The following NKX1-2 variants were observed in gnomAD, a reference collection of about 807,000 sequenced individuals.
NKX1-2 encodes NK1 homeobox 2.
NKX1-2 carries 1 observed loss-of-function variant against 4.4 expected under a neutral mutation model. The observed-to-expected ratio is 0.23, with a 90% confidence interval of 0.08 to 1.08. NKX1-2 has a LOEUF of 1.08. Among genes scored for constraint, NKX1-2 ranks in the 50% least tolerant of loss-of-function variants. The pLI is 0.55. For synonymous variants in NKX1-2, 235 were observed against 228.0 expected (o/e 1.03, Z -0.28); for missense variants, 503 against 464.6 (o/e 1.08, Z -0.76).
Position 124,449,971 on chromosome 10 carries a change from C to T in NKX1-2, c.-28G>A, listed in dbSNP as rs756232422. Reference sequence around the variant, plus strand: ...CCGTCGCCCACGGGCCGGCGGTCGGCGGCGCGGGGTTGGGGATGGCGCCGC... The same window carrying T: ...CCGTCGCCCACGGGCCGGCGGTCGGTGGCGCGGGGTTGGGGATGGCGCCGC... On this transcript the variant is annotated 5_prime_UTR_variant, in exon 1 of 2. Transcript: ENST00000451024. This position sits in a 1 kb window ranked among gnomAD's most constrained non-coding sequence, Gnocchi z 7.5. The T allele has an allele frequency of 1.0e-5, 15 of 1,497,800 alleles. 1 individual carries two copies. The South Asian group carries it at 1.8e-4, about 18-fold the overall frequency. The allele number at this position is 1,497,800 out of a possible 1,614,324, so 92.8% of individuals were successfully genotyped here.
chr10:124,448,286 G>A lies in NKX1-2; in HGVS notation c.215-139C>T. 3.2e-6 allele frequency: 4 copies of A among 1,264,510 alleles called. No individual in the cohort carries two copies. The highest frequency in any genetic ancestry group is 4.0e-6 in the Non-Finnish European group (4 of 1,000,918). The allele number at this position is 1,264,510 out of a possible 1,614,324, so 78.3% of individuals were successfully genotyped here. A position where few individuals can be genotyped will look rare whatever the true frequency, so the allele number is the denominator to read the frequency against. On this transcript the variant is annotated intron_variant, in intron 1 of 1. Coordinates refer to ENST00000451024, the MANE Select transcript of NKX1-2 (RefSeq NM_001146340.3). This position sits in a 1 kb window ranked among gnomAD's most constrained non-coding sequence, Gnocchi z 4.1. ...CCCCACATCGCGCTCCCCTTAGGCC[G>A]GACTACACATCCTCGCCAGCGGGTT...
rs1480941835 is a variant in NKX1-2, at chr10:124,449,073, C to T, written c.214+657G>A. On this transcript the variant is annotated intron_variant, in intron 1 of 1. Transcript: ENST00000451024. This position sits in a 1 kb window ranked among gnomAD's most constrained non-coding sequence, Gnocchi z 7.5. The stretch of plus-strand genomic sequence containing the variant: ...TTCCAGCCACAAACTTTCCTAACCC[C>T]TTCATCAGGTGTCCGCCAGCGTTGG... Among the ~76,000 whole-genome samples the T allele has an allele frequency of 6.6e-6, 1 of 152,228 alleles. No individual in the cohort carries two copies. Among genetic ancestry groups the T allele is most frequent in the African/African-American group, 2.4e-5 (1 of 41,464 alleles).
In NKX1-2 at chr10:124,449,880, CAGAG is replaced by C. The variant is rs1451678693; in HGVS notation, c.60_63del (p.Phe20LeufsTer94). The stretch of plus-strand genomic sequence containing the variant: ...TTCTGTGGGTCCAGGATGTCCAGGA[CAGAG>C]AAAGAAATCTTGTGGTGGGAGGGAG... On this transcript the variant is annotated frameshift_variant, in exon 1 of 2. Transcript: ENST00000451024. LOFTEE classifies it high-confidence loss of function. The surrounding 1 kb of genome is among the most constrained non-coding windows in gnomAD (Gnocchi z 7.5). 1 of 1,551,310 alleles carries C rather than the reference CAGAG, an allele frequency of 6.4e-7. No homozygotes were observed. The highest frequency in any genetic ancestry group is 2.0e-5 in the Admixed American group (1 of 51,010).
rs1331300948 is a variant in NKX1-2, at chr10:124,447,954, G to T, written c.408C>A (p.Gly136=). 3 of 1,404,238 alleles carry T rather than the reference G, an allele frequency of 2.1e-6. No homozygotes were observed. Among genetic ancestry groups the T allele is most frequent in the Non-Finnish European group, 2.8e-6 (3 of 1,085,490 alleles). The allele number at this position is 1,404,238 out of a possible 1,614,324, so 87.0% of individuals were successfully genotyped here. A position where few individuals can be genotyped will look rare whatever the true frequency, so the allele number is the denominator to read the frequency against. ...ASGEPCEDGG[G]GPVRSPPGSP... ...ATCCCGGGGGGGACCTCACAGGGCC[G>T]CCCCCGCCGTCCTCGCAGGGCTCCC... Residue 136 remains glycine (G), a synonymous_variant, in exon 2 of 2, where the codon GGC becomes GGA. Transcript: ENST00000451024.
Position 124,448,001 on chromosome 10 carries a change from G to T in NKX1-2, c.361C>A (p.Pro121Thr). The change falls in exon 2 of 2, where the codon CCG becomes ACG. Residue 121 changes from proline (P) to threonine (T), a missense_variant. By Grantham distance (38) the Pro-to-Thr change is conservative (BLOSUM62 -1). Coordinates refer to ENST00000451024, the MANE Select transcript of NKX1-2 (RefSeq NM_001146340.3). The surrounding 1 kb of genome is among the most constrained non-coding windows in gnomAD (Gnocchi z 4.1). ...TCCCCAGACGCCAATGCCCCGGCCG[G>T]GGCGTCAGGTGAGCGCGCTAGGCCC... ...LPGLARSPDAPAGALASGEPC... is the reference protein window; with the variant it reads ...LPGLARSPDATAGALASGEPC... The T allele has an allele frequency of 6.7e-7, 1 of 1,490,564 alleles. No homozygotes were observed. The highest frequency in any genetic ancestry group is 8.9e-7 in the Non-Finnish European group (1 of 1,126,742). The allele number at this position is 1,490,564 out of a possible 1,614,324, so 92.3% of individuals were successfully genotyped here. A position where few individuals can be genotyped will look rare whatever the true frequency, so the allele number is the denominator to read the frequency against.
rs1413156171 is a variant in NKX1-2, at chr10:124,449,717, C to T, written c.214+13G>A. The T allele has an allele frequency of 6.5e-7, 1 of 1,544,816 alleles. No individual in the cohort carries two copies. Among genetic ancestry groups the T allele is most frequent in the Non-Finnish European group, 8.8e-7 (1 of 1,141,436 alleles). ...CTGAGGCCTCCTGGGGCCGGGGCCG[C>T]CTTGCATCTTACCAGGGGTCTCCAG... is the stretch of plus-strand genomic sequence containing the variant. On this transcript the variant is annotated intron_variant, in intron 1 of 1. Transcript: ENST00000451024. The surrounding 1 kb of genome is among the most constrained non-coding windows in gnomAD (Gnocchi z 7.5).
chr10:124,447,403 G>A lies in NKX1-2; in HGVS notation c.*26C>T, dbSNP rs1188550505. The A allele has an allele frequency of 2.4e-6, 3 of 1,240,182 alleles. No homozygotes were observed. The highest frequency in any genetic ancestry group is 4.2e-5 in the Admixed American group (1 of 23,626). The allele number at this position is 1,240,182 out of a possible 1,614,324, so 76.8% of individuals were successfully genotyped here. A position where few individuals can be genotyped will look rare whatever the true frequency, so the allele number is the denominator to read the frequency against. ...GATGCCAATCCCTCGTGAATCCCGC[G>A]AAAGAGGGGCCAGGGGGCTCCGGAT... On this transcript the variant is annotated 3_prime_UTR_variant, in exon 2 of 2. Coordinates refer to ENST00000451024, the MANE Select transcript of NKX1-2 (RefSeq NM_001146340.3).
At position 124,448,063 on chromosome 10, in the gene NKX1-2, C is replaced by T; in HGVS notation, c.299G>A (p.Arg100Lys). The change falls in exon 2 of 2, where the codon AGG becomes AAG. Residue 100 changes from arginine (R) to lysine (K), a missense_variant. Arg to Lys is a conservative substitution (Grantham distance 26). Coordinates refer to ENST00000451024, the MANE Select transcript of NKX1-2 (RefSeq NM_001146340.3). The surrounding 1 kb of genome is among the most constrained non-coding windows in gnomAD (Gnocchi z 4.1). ...EEEEDAEDPR[R>K]PRLRERAARL... ...CGCAGCCCGCTCCCGCAGCCGCGGCCTCCTCGGATCCTCCGCATCCTCCTC... is the reference window on the plus strand; with the variant it reads ...CGCAGCCCGCTCCCGCAGCCGCGGCTTCCTCGGATCCTCCGCATCCTCCTC... The T allele has an allele frequency of 6.6e-7, 1 of 1,521,592 alleles. No individual in the cohort carries two copies. The highest frequency in any genetic ancestry group is 8.8e-7 in the Non-Finnish European group (1 of 1,139,840). 94.3% of individuals were successfully genotyped at this position (1,521,592 alleles called of 1,614,324 possible). A position where few individuals can be genotyped will look rare whatever the true frequency, so the allele number is the denominator to read the frequency against.
chr10:124,447,606 A>G lies in NKX1-2; in HGVS notation c.756T>C (p.Ser252=). 1 of 1,280,368 alleles carries G rather than the reference A, an allele frequency of 7.8e-7. No individual in the cohort carries two copies. Among genetic ancestry groups the G allele is most frequent in the East Asian group, 3.1e-5 (1 of 32,490 alleles). The allele number at this position is 1,280,368 out of a possible 1,614,324, so 79.3% of individuals were successfully genotyped here. A position where few individuals can be genotyped will look rare whatever the true frequency, so the allele number is the denominator to read the frequency against. The part of the protein sequence containing the change: ...GGGGGGGSGG[S]PGPPGTGALH... ...GAGCGCCGGTGCCGGGAGGGCCAGG[A>G]CTGCCCCCCGAGCCGCCGCCGCCGC... The change falls in exon 2 of 2, where the codon AGT becomes AGC. Residue 252 remains serine, a synonymous_variant. Transcript: ENST00000451024.
At position 124,447,844 on chromosome 10, in the gene NKX1-2, T is replaced by C; in HGVS notation, c.518A>G (p.Glu173Gly). 2 of 1,466,236 alleles carry C rather than the reference T, an allele frequency of 1.4e-6. No homozygotes were observed. Among genetic ancestry groups the C allele is most frequent in the South Asian group, 1.3e-5 (1 of 74,636 alleles). 90.8% of individuals were successfully genotyped at this position (1,466,236 alleles called of 1,614,324 possible). The stretch of plus-strand genomic sequence containing the variant: ...CTTGTTCTCCAAGGCCACCAGCTGC[T>C]CGTAGGTGAAGGCGGTGCGCGCGCG... ...PRRARTAFTY[E>G]QLVALENKFR... Residue 173 changes from glutamate (E) to glycine (G), a missense_variant, in exon 2 of 2, where the codon GAG becomes GGG. By Grantham distance (98) the Glu-to-Gly change is moderately conservative. Coordinates refer to ENST00000451024, the MANE Select transcript of NKX1-2 (RefSeq NM_001146340.3).
Position 124,448,052 on chromosome 10 carries a change from G to T in NKX1-2, c.310C>A (p.Arg104=). 4 of 1,518,840 alleles carry T rather than the reference G, an allele frequency of 2.6e-6. No homozygotes were observed. Among genetic ancestry groups the T allele is most frequent in the Non-Finnish European group, 2.6e-6 (3 of 1,138,518 alleles). The allele number at this position is 1,518,840 out of a possible 1,614,324, so 94.1% of individuals were successfully genotyped here. A position where few individuals can be genotyped will look rare whatever the true frequency, so the allele number is the denominator to read the frequency against. Residue 104 remains arginine (R), a synonymous_variant, in exon 2 of 2, where the codon CGG becomes AGG. Coordinates refer to ENST00000451024, the MANE Select transcript of NKX1-2 (RefSeq NM_001146340.3). The surrounding 1 kb of genome is among the most constrained non-coding windows in gnomAD (Gnocchi z 4.1). ...GGCAGCAAGCGCGCAGCCCGCTCCCGCAGCCGCGGCCTCCTCGGATCCTCC... is the reference window on the plus strand; with the variant it reads ...GGCAGCAAGCGCGCAGCCCGCTCCCTCAGCCGCGGCCTCCTCGGATCCTCC... ...DAEDPRRPRL[R]ERAARLLPGL... is the part of the protein sequence containing the mutation.
rs1952259429 is a variant in NKX1-2 at position 124,447,901 on chromosome 10, C to T, written c.461G>A (p.Arg154Gln). The T allele has an allele frequency of 2.1e-6, 3 of 1,410,430 alleles. No homozygotes were observed. The highest frequency in any genetic ancestry group is 3.2e-5 in the Admixed American group (1 of 31,084). 87.4% of individuals were successfully genotyped at this position (1,410,430 alleles called of 1,614,324 possible). The change falls in exon 2 of 2, where the codon CGG becomes CAG. Residue 154 changes from arginine (R) to glutamine (Q), a missense_variant. Coordinates refer to ENST00000451024, the MANE Select transcript of NKX1-2 (RefSeq NM_001146340.3). ...CTTGGCGCAGTTGGGCTCCAGGCGC[C>T]GGCGCCTGGGACGCGGGGAGCCGGG... Reference protein sequence around the residue: ...GSPGSPRPRRRRLEPNCAKPR... With the variant: ...GSPGSPRPRRQRLEPNCAKPR...
At position 124,447,830 on chromosome 10, in the gene NKX1-2, A is replaced by G. The variant is rs1428865395; in HGVS notation, c.532T>C (p.Leu178=). The G allele has an allele frequency of 6.8e-7, 1 of 1,472,516 alleles. No individual in the cohort carries two copies. Among genetic ancestry groups the G allele is most frequent in the Non-Finnish European group, 9.1e-7 (1 of 1,104,046 alleles). The allele number at this position is 1,472,516 out of a possible 1,614,324, so 91.2% of individuals were successfully genotyped here. ...CGCGTGGCCCGGAACTTGTTCTCCAAGGCCACCAGCTGCTCGTAGGTGAAG... is the reference window on the plus strand; with the variant it reads ...CGCGTGGCCCGGAACTTGTTCTCCAGGGCCACCAGCTGCTCGTAGGTGAAG... ...TAFTYEQLVA[L]ENKFRATRYL... Residue 178 remains leucine (L), a synonymous_variant, in exon 2 of 2, where the codon TTG becomes CTG. Coordinates refer to ENST00000451024, the MANE Select transcript of NKX1-2 (RefSeq NM_001146340.3).
At position 124,449,731 on chromosome 10, in the gene NKX1-2, A is replaced by G; in HGVS notation, c.213T>C (p.Pro71=). 1 of 1,549,848 alleles carries G rather than the reference A, an allele frequency of 6.5e-7. No individual in the cohort carries two copies. Among genetic ancestry groups the G allele is most frequent in the Non-Finnish European group, 8.7e-7 (1 of 1,145,584 alleles). ...SRDPVRQLET[P]DAAGPGAGQA... ...GGCCGGGGCCGCCTTGCATCTTACC[A>G]GGGGTCTCCAGCTGTCGGACAGGGT... is the stretch of plus-strand genomic sequence containing the variant. Residue 71 remains proline (P), a splice_region_variant and synonymous_variant, in exon 1 of 2, where the codon CCT becomes CCC. Coordinates refer to ENST00000451024, the MANE Select transcript of NKX1-2 (RefSeq NM_001146340.3). This position sits in a 1 kb window ranked among gnomAD's most constrained non-coding sequence, Gnocchi z 7.5.
Position 124,447,678 on chromosome 10 carries a change from C to G in NKX1-2, c.684G>C (p.Ala228=). 1 of 1,409,356 alleles carries G rather than the reference C, an allele frequency of 7.1e-7. No homozygotes were observed. The highest frequency in any genetic ancestry group is 9.3e-7 in the Non-Finnish European group (1 of 1,070,414). 87.3% of individuals were successfully genotyped at this position (1,409,356 alleles called of 1,614,324 possible). The part of the protein sequence containing the change: ...WKKQNPGADG[A]AQVGGGAPQP... ...GGGGCGCGCCACCCCCCACCTGCGC[C>G]GCGCCGTCGGCACCCGGGTTCTGCT... The change falls in exon 2 of 2, where the codon GCG becomes GCC. Residue 228 remains alanine (A), a synonymous_variant. Transcript: ENST00000451024.
In NKX1-2 at chr10:124,448,453, T is replaced by G. The variant is rs1438010844; in HGVS notation, c.215-306A>C. ...GTAACCATACTGGGGGGTAGGATCATTGTATTAAGACATCTAGATGTCAAA... is the reference window on the plus strand; with the variant it reads ...GTAACCATACTGGGGGGTAGGATCAGTGTATTAAGACATCTAGATGTCAAA... On this transcript the variant is annotated intron_variant, in intron 1 of 1. Transcript: ENST00000451024. The surrounding 1 kb of genome is among the most constrained non-coding windows in gnomAD (Gnocchi z 4.1). 3.6e-6 allele frequency: 1 copy of G among 279,690 alleles called. No homozygotes were observed. The highest frequency in any genetic ancestry group is 2.2e-5 in the African/African-American group (1 of 45,730). 17.3% of individuals were successfully genotyped at this position (279,690 alleles called of 1,614,324 possible). A position where few individuals can be genotyped will look rare whatever the true frequency, so the allele number is the denominator to read the frequency against.
Position 124,445,606 on chromosome 10 carries a change from C to G in NKX1-2, c.*1823G>C, listed in dbSNP as rs1481029095. On this transcript the variant is annotated 3_prime_UTR_variant, in exon 2 of 2. Transcript: ENST00000451024. ...TGGGATATTGCTTTTGAGAAACCAA[C>G]AAATAGTTATTAAAGGAGTGTTTAC... is the stretch of plus-strand genomic sequence containing the variant. The G allele has an allele frequency of 2.0e-5, 3 of 152,084 alleles. No homozygotes were observed. Among genetic ancestry groups the G allele is most frequent in the African/African-American group, 7.2e-5 (3 of 41,408 alleles). 9.4% of individuals were successfully genotyped at this position (152,084 alleles called of 1,614,324 possible). A position where few individuals can be genotyped will look rare whatever the true frequency, so the allele number is the denominator to read the frequency against.
rs1952246251 is a variant in NKX1-2 at position 124,447,225 on chromosome 10, G to T, written c.*204C>A. 6 of 404,676 alleles carry T rather than the reference G, an allele frequency of 1.5e-5. No homozygotes were observed. The highest frequency in any genetic ancestry group is 1.4e-4 in the South Asian group (1 of 7,084). The allele number at this position is 404,676 out of a possible 1,614,324, so 25.1% of individuals were successfully genotyped here. On this transcript the variant is annotated 3_prime_UTR_variant, in exon 2 of 2. Transcript: ENST00000451024. ...AACAGCAAGGTCCAGAAACGGCAAG[G>T]CTTGAGGTCAGCCTCCGTCCCCGGA...
rs1217277397 is a variant in NKX1-2 at position 124,449,658 on chromosome 10, C to T, written c.214+72G>A. On this transcript the variant is annotated intron_variant, in intron 1 of 1. Transcript: ENST00000451024. This position sits in a 1 kb window ranked among gnomAD's most constrained non-coding sequence, Gnocchi z 7.5. Reference sequence around the variant, plus strand: ...GCTGTTAAGGGCCACTCACCGGGCCCGGCTGTTCCCCCATACACTCCGCAT... The same window carrying T: ...GCTGTTAAGGGCCACTCACCGGGCCTGGCTGTTCCCCCATACACTCCGCAT... 1.0e-5 allele frequency: 12 copies of T among 1,162,540 alleles called. No individual in the cohort carries two copies. Among genetic ancestry groups the T allele is most frequent in the African/African-American group, 1.5e-5 (1 of 65,942 alleles). The allele number at this position is 1,162,540 out of a possible 1,614,324, so 72.0% of individuals were successfully genotyped here. A position where few individuals can be genotyped will look rare whatever the true frequency, so the allele number is the denominator to read the frequency against.
Sources: allele counts gnomAD v4.1 joint callset (sites outside exome capture counted in the v4.1 genomes callset), GRCh38; gene constraint gnomAD v4.1.1; non-coding constraint Gnocchi (gnomAD v3.1); transcripts MANE v1.5; gene names NCBI Gene and HGNC (gene_info 2026-07-23, HGNC 2026-07-21).